ROBO1: variants seen among roughly 807,000 people sequenced by gnomAD.
The protein encoded by ROBO1 is roundabout guidance receptor 1, also known as roundabout homolog 1.
ROBO1 carries 149 observed loss-of-function variants against 195.9 expected under a neutral mutation model. The observed-to-expected ratio is 0.76, with a 90% confidence interval of 0.67 to 0.87. ROBO1 has a LOEUF of 0.87. Among genes scored for constraint, ROBO1 ranks in the 40% least tolerant of loss-of-function variants. ROBO1 has a pLI of 0.00. For missense variants in ROBO1, 1,933 were observed against 2,068.3 expected, an observed-to-expected ratio of 0.93 and a Z score of 1.27; for synonymous variants, 816 against 733.2, an observed-to-expected ratio of 1.11 and a Z score of -1.82.
chr3:78,868,155 A>G (rs944269063), intron 4 of ROBO1, among the ~76,000 whole-genome samples: 1 of 152,198 alleles, frequency 6.6e-6, no homozygotes, highest in African/African-American at 2.4e-5. Context: ...GGAGAGAATT[A>G]AGGGCATGAG....
intron 2 of ROBO1, among the ~76,000 whole-genome samples, chr3:79,173,407 G>T (rs1446348604): frequency 1.3e-5 from 2 of 151,676 alleles, no homozygotes; most frequent in African/African-American, 4.9e-5. Context: ...AGGTGGGTGT[G>T]GGCTCGGCGG....
At chr3:79,377,283 T>A (rs2036419212) in intron 2 of ROBO1, among the ~76,000 whole-genome samples, 1 of 152,246 alleles carries the variant, frequency 6.6e-6, no homozygotes, top group Non-Finnish European at 1.5e-5. Flanking sequence ...TTCATTATTC[T>A]GACACCTAAA....
intron 3 of ROBO1, among the ~76,000 whole-genome samples, chr3:79,121,672 T>C (rs2080118577): frequency 6.6e-6 from 1 of 152,028 alleles, no homozygotes; most frequent in African/African-American, 2.4e-5. Context: ...AATATTCTAT[T>C]GTAAATATAG....
At chr3:78,724,135 A>G (rs576944774) in intron 5 of ROBO1, among the ~76,000 whole-genome samples, 1 of 152,310 alleles carries the variant, frequency 6.6e-6, no homozygotes, top group African/African-American at 2.4e-5. Context: ...AGTAGGGCAA[A>G]TGAACTTCAG....
chr3:79,244,563 A>G (rs2082587135), intron 2 of ROBO1, among the ~76,000 whole-genome samples: 2 of 152,086 alleles, frequency 1.3e-5, no homozygotes, highest in African/African-American at 4.8e-5. Context: ...CAGTTGTCAA[A>G]TGTGTTTTTG....
chr3:79,257,251 A>G (rs961258286), intron 2 of ROBO1, among the ~76,000 whole-genome samples: 5 of 152,168 alleles, frequency 3.3e-5, no homozygotes, highest in Non-Finnish European at 7.3e-5. Flanking sequence ...TCAATTCATG[A>G]CTGATTTTGA....
intron 1 of ROBO1, among the ~76,000 whole-genome samples, chr3:79,642,193 G>A (rs1049470630): frequency 6.6e-6 from 1 of 152,156 alleles, no homozygotes; most frequent in African/African-American, 2.4e-5. Flanking sequence ...AATAATCAGT[G>A]AGCTTGAAGA....
chr3:79,059,541 C>A (rs1287217555), intron 3 of ROBO1, among the ~76,000 whole-genome samples: 1 of 152,010 alleles, frequency 6.6e-6, no homozygotes, highest in Non-Finnish European at 1.5e-5. Flanking sequence ...GGACCCTCAA[C>A]AGAGGGACCG....
chr3:78,758,620 AC>A (rs1254605050), intron 4 of ROBO1, among the ~76,000 whole-genome samples: 1 of 151,978 alleles, frequency 6.6e-6, no homozygotes, highest in Admixed American at 6.6e-5. Context: ...AAAAACAAAT[AC>A]TACTCTCTCA....
intron 2 of ROBO1, among the ~76,000 whole-genome samples, chr3:79,142,905 AT>A (rs202072843): frequency 0.012 from 1,827 of 152,248 alleles, 37 homozygotes; most frequent in African/African-American, 0.039. Context: ...ATAAATAAAT[AT>A]TTGCAACCCT....
chr3:78,743,327 C>T (rs188570243), intron 5 of ROBO1, among the ~76,000 whole-genome samples: 1 of 152,014 alleles, frequency 6.6e-6, no homozygotes, highest in Non-Finnish European at 1.5e-5. Context: ...AATTCTTAAT[C>T]CTCATCATTA....
intron 2 of ROBO1, among the ~76,000 whole-genome samples, chr3:79,328,729 G>A (rs577525629): frequency 6.6e-6 from 1 of 151,940 alleles, no homozygotes; most frequent in South Asian, 2.1e-4. Flanking sequence ...CACCACACGA[G>A]CAGAGTACAC....
intron 2 of ROBO1, among the ~76,000 whole-genome samples, chr3:79,292,333 T>C (rs1049173525): frequency 6.6e-6 from 1 of 152,224 alleles, no homozygotes; most frequent in African/African-American, 2.4e-5. Context: ...CAGAGACAAT[T>C]TGACTTCTTC....
At chr3:78,945,014 T>C (rs112465562) in intron 3 of ROBO1, among the ~76,000 whole-genome samples, 69 of 152,280 alleles carry the variant, frequency 4.5e-4, no homozygotes, top group African/African-American at 1.6e-3. Flanking sequence ...TAGACAAAGC[T>C]ACCGGGAAGC....
At chr3:79,089,129 A>G (rs372904550) in intron 3 of ROBO1, among the ~76,000 whole-genome samples, 18 of 152,284 alleles carry the variant, frequency 1.2e-4, no homozygotes, top group Middle Eastern at 3.4e-3. Flanking sequence ...ACATCTCATA[A>G]TGAAGAAATC....
At chr3:79,312,463 G>A (rs568101338) in intron 2 of ROBO1, among the ~76,000 whole-genome samples, 22 of 152,340 alleles carry the variant, frequency 1.4e-4, no homozygotes, top group Admixed American at 1.1e-3. Flanking sequence ...CAACTACTGA[G>A]AGATAATAAT....
intron 1 of ROBO1, among the ~76,000 whole-genome samples, chr3:79,596,578 A>G (rs567709215): frequency 6.6e-6 from 1 of 152,214 alleles, no homozygotes; most frequent in South Asian, 2.1e-4. Flanking sequence ...CTATGTATTA[A>G]TCTATTAATG....
intron 4 of ROBO1, among the ~76,000 whole-genome samples, chr3:78,801,403 C>T (rs2084366490): frequency 1.3e-5 from 2 of 152,074 alleles, no homozygotes; most frequent in South Asian, 4.1e-4. Context: ...TTTAATGCTT[C>T]AATATACAAA....
rs527450900 is a variant in ROBO1 at position 79,471,942 on chromosome 3, G to C, written c.88+117882C>G. ...ACACACTGGGGCCTGTTGGGGGTTG[G>C]GGGGCTAGGGGAGGGATAACATTAG... is the stretch of plus-strand genomic sequence containing the variant. On this transcript the variant is annotated intron_variant, in intron 2 of 30. Transcript: ENST00000464233. Among the ~76,000 whole-genome samples, 109 of 151,942 alleles carry C rather than the reference G, an allele frequency of 7.2e-4. 1 individual carries two copies. The East Asian group carries it at 0.021, about 29-fold the overall frequency.
Sources: allele counts gnomAD v4.1 joint callset (sites outside exome capture counted in the v4.1 genomes callset), GRCh38; gene constraint gnomAD v4.1.1; transcripts MANE v1.5; gene names NCBI Gene and HGNC (gene_info 2026-07-23, HGNC 2026-07-21).